Variants in EXOC4 observed in about 807,000 individuals in gnomAD.
EXOC4 encodes SEC8-like 1.
Under a neutral mutation model 107.2 loss-of-function variants are expected in EXOC4, and 71 were observed. The ratio of observed to expected loss-of-function variants is 0.66; its 90% confidence interval spans 0.55 to 0.81. EXOC4 has a LOEUF of 0.81. Among genes scored for constraint, EXOC4 ranks in the 30% least tolerant of loss-of-function variants. The pLI, the probability that EXOC4 is intolerant of heterozygous loss-of-function variation, is 0.00. For missense variants in EXOC4, 1,108 were observed against 1,189.6 expected (o/e 0.93, Z 1.01); for synonymous variants, 456 against 441.2 (o/e 1.03, Z -0.42).
intron 10 of EXOC4, among the ~76,000 whole-genome samples, chr7:133,699,594 G>A (rs1794612006): frequency 6.6e-6 from 1 of 152,142 alleles, no homozygotes; most frequent in South Asian, 2.1e-4. Flanking sequence ...TGGCCTTTAT[G>A]TAATGTTGTG....
the EXOC4 span, among the ~76,000 whole-genome samples, chr7:134,077,239 T>C: frequency 6.6e-6 from 1 of 152,150 alleles, no homozygotes; most frequent in Non-Finnish European, 1.5e-5. Context: ...CTCCAATGTT[T>C]ACAGACAGAA....
chr7:133,811,072 G>A (rs1021334414), intron 10 of EXOC4, among the ~76,000 whole-genome samples: 2 of 151,992 alleles, frequency 1.3e-5, no homozygotes, highest in East Asian at 1.9e-4. Flanking sequence ...GTGATGAGAC[G>A]CTCCCCATAC....
At chr7:133,682,649 G>T (rs1255304046) in intron 10 of EXOC4, among the ~76,000 whole-genome samples, 1 of 152,172 alleles carries the variant, frequency 6.6e-6, no homozygotes, top group African/African-American at 2.4e-5. Context: ...AGATAAGCGT[G>T]GATGGCATTG....
At chr7:133,578,473 T>C (rs539521078) in intron 9 of EXOC4, among the ~76,000 whole-genome samples, 1 of 152,328 alleles carries the variant, frequency 6.6e-6, no homozygotes, top group Admixed American at 6.5e-5. Flanking sequence ...ATATTTCTTA[T>C]CACTATGGCT....
chr7:133,449,173 T>C (rs1167735332), intron 7 of EXOC4, among the ~76,000 whole-genome samples: 1 of 152,042 alleles, frequency 6.6e-6, no homozygotes, highest in African/African-American at 2.4e-5. Flanking sequence ...AGGAATGCCA[T>C]GTAATGATGG....
intron 9 of EXOC4, among the ~76,000 whole-genome samples, chr7:133,514,302 C>T (rs1238361012): frequency 6.6e-6 from 1 of 151,928 alleles, no homozygotes; most frequent in Non-Finnish European, 1.5e-5. Context: ...GTAGCTGGGA[C>T]TACAGGCGCA....
Position 133,273,188 on chromosome 7 carries a change from G to A in EXOC4, c.87-1794G>A, listed in dbSNP as rs182821559. On this transcript the variant is annotated intron_variant, in intron 1 of 17. Transcript: ENST00000253861. ...GAAGTTTTCAGATTTAAAGAGCAAA[G>A]TTGTGTATCATTAAAACAACAAGAA... is the stretch of plus-strand genomic sequence containing the variant. 2.0e-5 allele frequency among the ~76,000 whole-genome samples: 3 copies of A among 152,328 alleles called. No individual in the cohort carries two copies. The East Asian group carries it at 5.8e-4, about 29-fold the overall frequency.
At chr7:134,036,285 C>T (rs777443528) in intron 17 of EXOC4, among the ~76,000 whole-genome samples, 1 of 152,152 alleles carries the variant, frequency 6.6e-6, no homozygotes, top group Non-Finnish European at 1.5e-5. Context: ...GCTTATGTAT[C>T]ATACCAAAAT....
chr7:133,726,137 T>C (rs552070982), intron 10 of EXOC4, among the ~76,000 whole-genome samples: 1 of 152,256 alleles, frequency 6.6e-6, no homozygotes, highest in East Asian at 1.9e-4. Flanking sequence ...AAAAATGGTA[T>C]TAAAACCATG....
At chr7:133,934,401 A>G (rs1800250665) in intron 13 of EXOC4, among the ~76,000 whole-genome samples, 1 of 152,148 alleles carries the variant, frequency 6.6e-6, no homozygotes. Context: ...TTCCTGTCAA[A>G]TGAGATGTCT....
chr7:133,392,944 C>T (rs1189882727), intron 7 of EXOC4, among the ~76,000 whole-genome samples: 2 of 152,176 alleles, frequency 1.3e-5, no homozygotes, highest in African/African-American at 2.4e-5. Context: ...CGGACAAAGT[C>T]TCTGCTTTTC....
Position 133,363,999 on chromosome 7 carries a change from G to A in EXOC4, c.1007+7426G>A, listed in dbSNP as rs901432016. 1.4e-4 allele frequency among the ~76,000 whole-genome samples: 21 copies of A among 152,228 alleles called. No homozygotes were observed. The East Asian group carries it at 2.7e-3, about 20-fold the overall frequency. On this transcript the variant is annotated intron_variant, in intron 6 of 17. Transcript: ENST00000253861. ...TGTCTCTCAGGCTGTATTTCAAATT[G>A]TCTGGGTCTTCTAGCTCCTGCCCCA...
intron 17 of EXOC4, among the ~76,000 whole-genome samples, chr7:134,008,099 G>T (rs1794685692): frequency 6.6e-6 from 1 of 152,038 alleles, no homozygotes; most frequent in Non-Finnish European, 1.5e-5. Context: ...TTTTCTGCAT[G>T]TAAAAGTATA....
intron 17 of EXOC4, among the ~76,000 whole-genome samples, chr7:134,051,392 G>A (rs1795783487): frequency 6.6e-6 from 1 of 152,206 alleles, no homozygotes; most frequent in Admixed American, 6.5e-5. Flanking sequence ...GCTTCATGGG[G>A]CCAGGCACTG....
intron 14 of EXOC4, among the ~76,000 whole-genome samples, chr7:133,941,047 T>G (rs957977458): frequency 6.6e-6 from 1 of 151,802 alleles, no homozygotes; most frequent in Non-Finnish European, 1.5e-5. Context: ...TGAGATGGAT[T>G]CATGCAGTGG....
intron 17 of EXOC4, among the ~76,000 whole-genome samples, chr7:134,033,271 A>G (rs1296250998): frequency 1.3e-5 from 2 of 152,160 alleles, no homozygotes; most frequent in African/African-American, 4.8e-5. Context: ...CTACAGGACT[A>G]TTTTCTTCAC....
rs572950798 is a variant in EXOC4 at position 133,471,881 on chromosome 7, A to G, written c.1183-3447A>G. ...AATAATATCAGGCAGTTTTTGATGA[A>G]TACTTATTGAATGATGTAGAAAATG... is the stretch of plus-strand genomic sequence containing the variant. On this transcript the variant is annotated intron_variant, in intron 7 of 17. Coordinates refer to ENST00000253861, the MANE Select transcript of EXOC4 (RefSeq NM_021807.4). Among the ~76,000 whole-genome samples, 26 of 152,204 alleles carry G rather than the reference A, an allele frequency of 1.7e-4. No homozygotes were observed. The South Asian group carries it at 1.9e-3, about 11-fold the overall frequency.
intron 10 of EXOC4, among the ~76,000 whole-genome samples, chr7:133,782,082 TGCTTGGGTTGCAGTATTGTCTGCAACTA>T (rs962752653): frequency 6.6e-6 from 1 of 152,234 alleles, no homozygotes; most frequent in Non-Finnish European, 1.5e-5. Context: ...GTGTCACTGC[TGCTTGGGTTGCAGTATTGTCTGCAACTA>T]GTATCTTTGA....
intron 10 of EXOC4, among the ~76,000 whole-genome samples, chr7:133,680,232 A>G (rs1794156742): frequency 6.6e-6 from 1 of 152,204 alleles, no homozygotes; most frequent in African/African-American, 2.4e-5. Context: ...CTTTCTGCCA[A>G]CCAACTCAGG....
Sources: allele counts gnomAD v4.1 joint callset (sites outside exome capture counted in the v4.1 genomes callset), GRCh38; gene constraint gnomAD v4.1.1; transcripts MANE v1.5; gene names NCBI Gene and HGNC (gene_info 2026-07-23, HGNC 2026-07-21).